The following MLLT3 variants were observed in gnomAD, a reference collection of about 807,000 sequenced individuals.
The protein encoded by MLLT3 is protein AF-9.
A neutral mutation model predicts 53.2 loss-of-function variants in MLLT3; 4 were observed. That is an observed-to-expected ratio of 0.08 (90% CI 0.04 to 0.17). The LOEUF is 0.17. Ranked by LOEUF, MLLT3 falls within the 10% of genes least tolerant of loss-of-function variation. MLLT3 has a pLI of 1.00. For missense variants in MLLT3, 569 were observed against 684.0 expected, an observed-to-expected ratio of 0.83 and a Z score of 1.87; for synonymous variants, 283 against 230.6, an observed-to-expected ratio of 1.23 and a Z score of -2.06.
At chr9:20,397,965 T>A (rs1392940440) in intron 5 of MLLT3, among the ~76,000 whole-genome samples, 1 of 152,136 alleles carries the variant, frequency 6.6e-6, no homozygotes, top group Non-Finnish European at 1.5e-5. Context: ...ACTAACTTCA[T>A]CTTCCACATC....
chr9:20,454,017 T>C (rs559875670), intron 3 of MLLT3, among the ~76,000 whole-genome samples: 21 of 152,172 alleles, frequency 1.4e-4, no homozygotes, highest in East Asian at 1.9e-4. Flanking sequence ...ATCTATATAC[T>C]AAACAGAAAA....
chr9:20,423,668 G>T (rs1823072036), intron 4 of MLLT3, among the ~76,000 whole-genome samples: 1 of 150,888 alleles, frequency 6.6e-6, no homozygotes, highest in Non-Finnish European at 1.5e-5. Flanking sequence ...AAAAAAATTA[G>T]CCAGGCGTAG....
In MLLT3 at chr9:20,345,493, A is replaced by G. The variant is rs1404263169; in HGVS notation, c.*950T>C. ...TTTTTTTTTAGAAAACAGGACCAGAATTCTTTTTTTTTAAATGATGATCCT... is the reference window on the plus strand; with the variant it reads ...TTTTTTTTTAGAAAACAGGACCAGAGTTCTTTTTTTTTAAATGATGATCCT... On this transcript the variant is annotated 3_prime_UTR_variant, in exon 11 of 11. Coordinates refer to ENST00000380338, the MANE Select transcript of MLLT3 (RefSeq NM_004529.4). The G allele has an allele frequency of 2.9e-5, 6 of 203,590 alleles. No homozygotes were observed. Among genetic ancestry groups the G allele is most frequent in the Non-Finnish European group, 4.0e-5 (4 of 99,344 alleles). 12.6% of individuals were successfully genotyped at this position (203,590 alleles called of 1,614,324 possible).
intron 2 of MLLT3, among the ~76,000 whole-genome samples, chr9:20,517,829 A>C (rs1403612709): frequency 6.6e-6 from 1 of 151,930 alleles, no homozygotes; most frequent in Non-Finnish European, 1.5e-5. Flanking sequence ...CAAGAGCAAA[A>C]CTCTGTCTCA....
rs1048689407 is a variant in MLLT3 at position 20,341,732 on chromosome 9, A to G, written c.*4711T>C. 2 of 188,792 alleles carry G rather than the reference A, an allele frequency of 1.1e-5. No homozygotes were observed. The highest frequency in any genetic ancestry group is 4.7e-5 in the African/African-American group (2 of 42,780). 11.7% of individuals were successfully genotyped at this position (188,792 alleles called of 1,614,324 possible). A position where few individuals can be genotyped will look rare whatever the true frequency, so the allele number is the denominator to read the frequency against. ...TAGTAGTTGTTCTCCTTCCTGTCTA[A>G]TCAAGGTAGCAGTTCTTGCTGTGAA... On this transcript the variant is annotated 3_prime_UTR_variant, in exon 11 of 11. Coordinates refer to ENST00000380338, the MANE Select transcript of MLLT3 (RefSeq NM_004529.4).
chr9:20,493,521 A>T (rs1322427137), intron 2 of MLLT3, among the ~76,000 whole-genome samples: 2 of 152,062 alleles, frequency 1.3e-5, no homozygotes, highest in Non-Finnish European at 2.9e-5. Context: ...CTGGCAAGCT[A>T]TCTTAAAGAA....
chr9:20,591,652 G>A lies in MLLT3; in HGVS notation c.193+29002C>T, dbSNP rs139846966. Among the ~76,000 whole-genome samples, 541 of 152,218 alleles carry A rather than the reference G, an allele frequency of 3.6e-3. 3 individuals carry two copies. The highest frequency in any genetic ancestry group is 0.012 in the African/African-American group (512 of 41,522). ...CACCTGAAAATTACCAAACTTACATGCAAACTGTGAACTCACCATTTAGGG... is the reference window on the plus strand; with the variant it reads ...CACCTGAAAATTACCAAACTTACATACAAACTGTGAACTCACCATTTAGGG... On this transcript the variant is annotated intron_variant, in intron 2 of 10. Transcript: ENST00000380338.
chr9:20,487,349 T>G (rs1824838594), intron 2 of MLLT3, among the ~76,000 whole-genome samples: 1 of 152,124 alleles, frequency 6.6e-6, no homozygotes, highest in Admixed American at 6.6e-5. Context: ...ATCATAGGAC[T>G]TTTGCTACTA....
chr9:20,439,107 C>G (rs756037834), intron 4 of MLLT3, among the ~76,000 whole-genome samples: 11 of 152,112 alleles, frequency 7.2e-5, no homozygotes, highest in Admixed American at 2.0e-4. Flanking sequence ...GTAATCCCAG[C>G]ACTTTCGGAG....
At chr9:20,424,115 G>C (rs1321942423) in intron 4 of MLLT3, among the ~76,000 whole-genome samples, 2 of 152,086 alleles carry the variant, frequency 1.3e-5, no homozygotes, top group East Asian at 3.9e-4. Flanking sequence ...TTGTACAAGG[G>C]ATTTGAGGAT....
At position 20,586,748 on chromosome 9, in the gene MLLT3, G is replaced by C. The variant is rs1157109108; in HGVS notation, c.193+33906C>G. Among the ~76,000 whole-genome samples the C allele has an allele frequency of 2.6e-5, 4 of 152,038 alleles. No individual in the cohort carries two copies. The East Asian group carries it at 5.8e-4, about 22-fold the overall frequency. On this transcript the variant is annotated intron_variant, in intron 2 of 10. Coordinates refer to ENST00000380338, the MANE Select transcript of MLLT3 (RefSeq NM_004529.4). ...AAGGGAAAAAAAGTAGAGAAATAAT[G>C]AGACTCACTGGTTAGGGAAGTGGGG...
chr9:20,556,369 C>T (rs1819057541), intron 2 of MLLT3, among the ~76,000 whole-genome samples: 2 of 151,938 alleles, frequency 1.3e-5, no homozygotes, highest in Non-Finnish European at 2.9e-5. Flanking sequence ...AAAACATGAA[C>T]ATGTATTATA....
At chr9:20,415,317 G>A (rs755544237) in intron 4 of MLLT3, 3 of 237,358 alleles carry the variant, frequency 1.3e-5, no homozygotes, top group Non-Finnish European at 2.1e-5. Flanking sequence ...GAGAAAAGAC[G>A]TAATTGCTGC....
chr9:20,413,335 G>A (rs1473525048), intron 5 of MLLT3, among the ~76,000 whole-genome samples: 1 of 151,936 alleles, frequency 6.6e-6, no homozygotes, highest in Non-Finnish European at 1.5e-5. Context: ...TATTTTCTAA[G>A]TTTCTCTTTT....
chr9:20,566,998 TC>T (rs941902941), intron 2 of MLLT3, among the ~76,000 whole-genome samples: 1 of 152,042 alleles, frequency 6.6e-6, no homozygotes, highest in Non-Finnish European at 1.5e-5. Flanking sequence ...TTATTAACTG[TC>T]TTAAAGGCAC....
intron 2 of MLLT3, among the ~76,000 whole-genome samples, chr9:20,591,466 AATGAACTT>A (rs2131186765): frequency 6.6e-6 from 1 of 152,340 alleles, no homozygotes; most frequent in South Asian, 2.1e-4. Flanking sequence ...TGGCCCACAA[AATGAACTT>A]ATAAACAGAT....
chr9:20,473,411 T>C lies in MLLT3; in HGVS notation c.194-16625A>G, dbSNP rs1824443455. On this transcript the variant is annotated intron_variant, in intron 2 of 10. Coordinates refer to ENST00000380338, the MANE Select transcript of MLLT3 (RefSeq NM_004529.4). ...TAATAATGTTGAGTTTCACCAAATG[T>C]AATTTTAAAAACAAAGAACAACAAC... Among the ~76,000 whole-genome samples the C allele has an allele frequency of 2.0e-5, 3 of 152,142 alleles. 1 individual carries two copies. The highest frequency in any genetic ancestry group is 6.6e-5 in the Admixed American group (1 of 15,254).
Position 20,621,882 on chromosome 9 carries a change from T to A in MLLT3, c.12+363A>T, listed in dbSNP as rs1252171645. The stretch of plus-strand genomic sequence containing the variant: ...GGCGGCGGCTGAAATATGGCTGAGT[T>A]ATTATTCGCCTCCTTCCACCGTGTG... On this transcript the variant is annotated intron_variant, in intron 1 of 10. Coordinates refer to ENST00000380338, the MANE Select transcript of MLLT3 (RefSeq NM_004529.4). The surrounding 1 kb of genome is among the most constrained non-coding windows in gnomAD (Gnocchi z 7.0). 1.2e-5 allele frequency: 17 copies of A among 1,364,244 alleles called. No individual in the cohort carries two copies. The highest frequency in any genetic ancestry group is 1.5e-5 in the Non-Finnish European group (16 of 1,066,276). 84.5% of individuals were successfully genotyped at this position (1,364,244 alleles called of 1,614,324 possible). A position where few individuals can be genotyped will look rare whatever the true frequency, so the allele number is the denominator to read the frequency against.
At chr9:20,542,370 C>A (rs969143164) in intron 2 of MLLT3, among the ~76,000 whole-genome samples, 2 of 151,972 alleles carry the variant, frequency 1.3e-5, no homozygotes, top group East Asian at 3.9e-4. Flanking sequence ...CCTGCCTCAG[C>A]CTCCCGAGTA....
Sources: allele counts gnomAD v4.1 joint callset (sites outside exome capture counted in the v4.1 genomes callset), GRCh38; gene constraint gnomAD v4.1.1; non-coding constraint Gnocchi (gnomAD v3.1); transcripts MANE v1.5; gene names NCBI Gene and HGNC (gene_info 2026-07-23, HGNC 2026-07-21).